Variants in TRHDE observed in about 807,000 individuals in gnomAD.
TRHDE encodes the protein thyrotropin-releasing hormone-degrading ectoenzyme.
Under a neutral mutation model 125.7 loss-of-function variants are expected in TRHDE, and 72 were observed. The observed-to-expected ratio is 0.57, with a 90% CI of 0.47 to 0.70. TRHDE has a LOEUF of 0.70. Ranked by LOEUF, TRHDE falls within the 30% of genes least tolerant of loss-of-function variation. The probability of loss-of-function intolerance (pLI) is 0.00; values close to 1 mark genes in which losing one functional copy is unlikely to be tolerated. For missense variants in TRHDE, 1,110 were observed against 1,327.1 expected, an observed-to-expected ratio of 0.84 and a Z score of 2.54; for synonymous variants, 509 against 509.1, an observed-to-expected ratio of 1.00 and a Z score of 0.00.
intron 7 of TRHDE, among the ~76,000 whole-genome samples, chr12:72,543,591 T>C (rs985881784): frequency 1.3e-5 from 2 of 151,382 alleles, no homozygotes; most frequent in South Asian, 2.1e-4. Context: ...TTTTTCCCCA[T>C]TGAAGTTGTA....
intron 12 of TRHDE, among the ~76,000 whole-genome samples, chr12:72,587,365 A>G (rs1431584963): frequency 1.3e-5 from 2 of 152,144 alleles, no homozygotes; most frequent in African/African-American, 2.4e-5. Flanking sequence ...GTTTCAACAG[A>G]TGCAATACGT....
rs199743662 is a variant in TRHDE, at chr12:72,459,997, C to T, written c.1316-9761C>T. Among the ~76,000 whole-genome samples, 12 of 152,276 alleles carry T rather than the reference C, an allele frequency of 7.9e-5. No homozygotes were observed. The East Asian group carries it at 2.3e-3, about 29-fold the overall frequency. ...CACACAGGTCCAGCTGATACCTGCA[C>T]ATGCAGTGGATTATATGATAGGTGA... On this transcript the variant is annotated intron_variant, in intron 3 of 18. Coordinates refer to ENST00000261180, the MANE Select transcript of TRHDE (RefSeq NM_013381.3).
intron 2 of TRHDE, among the ~76,000 whole-genome samples, chr12:72,221,861 G>A (rs757786980): frequency 4.6e-5 from 7 of 152,062 alleles, no homozygotes; most frequent in Non-Finnish European, 7.4e-5. Flanking sequence ...TTTGAGAAAG[G>A]CCCATATGAT....
At chr12:72,510,044 A>G (rs569569267) in intron 6 of TRHDE, among the ~76,000 whole-genome samples, 53 of 152,132 alleles carry the variant, frequency 3.5e-4, no homozygotes, top group African/African-American at 1.3e-3. Context: ...ATCACATGTG[A>G]CCTGACCCCT....
Position 72,645,419 on chromosome 12 carries a change from A to T in TRHDE, c.2676-6903A>T, listed in dbSNP as rs116001516. ...AGACAAGTATTTAAAAATTTACTTA[A>T]AAGAGCAAAAATGTAAAATAATGAA... On this transcript the variant is annotated intron_variant, in intron 15 of 18. Coordinates refer to ENST00000261180, the MANE Select transcript of TRHDE (RefSeq NM_013381.3). 2.5e-3 allele frequency among the ~76,000 whole-genome samples: 381 copies of T among 152,312 alleles called. 2 individuals carry two copies. The highest frequency in any genetic ancestry group is 8.5e-3 in the African/African-American group (355 of 41,576).
intron 2 of TRHDE, among the ~76,000 whole-genome samples, chr12:72,327,585 AG>A (rs1869399005): frequency 6.6e-6 from 1 of 152,152 alleles, no homozygotes; most frequent in South Asian, 2.1e-4. Context: ...CATTAGCAAC[AG>A]GGGAAACTGC....
In TRHDE at chr12:72,273,031, G is replaced by C; in HGVS notation, c.388G>C (p.Glu130Gln). Reference sequence around the variant, plus strand: ...CGACGGTGGCCCCTCAGGCTTTCCGGAGCGCGGCGGCAACGGGAGCCTCCC... The same window carrying C: ...CGACGGTGGCCCCTCAGGCTTTCCGCAGCGCGGCGGCAACGGGAGCCTCCC... ...GADGGPSGFPERGGNGSLPGS... is the reference protein window; with the variant it reads ...GADGGPSGFPQRGGNGSLPGS... Residue 130 changes from glutamate to glutamine, a missense_variant, in exon 1 of 19, where the codon GAG (glutamate) becomes CAG (glutamine). Physicochemically the swap from Glu to Gln is conservative, Grantham distance 29. Transcript: ENST00000261180. The surrounding 1 kb of genome is among the most constrained non-coding windows in gnomAD (Gnocchi z 5.3). 5 of 1,538,062 alleles carry C rather than the reference G, an allele frequency of 3.3e-6. No individual in the cohort carries two copies. Among genetic ancestry groups the C allele is most frequent in the Non-Finnish European group, 4.4e-6 (5 of 1,147,216 alleles).
chr12:72,398,131 A>G (rs372963768), intron 3 of TRHDE, among the ~76,000 whole-genome samples: 3 of 151,838 alleles, frequency 2.0e-5, no homozygotes, highest in Non-Finnish European at 4.4e-5. Context: ...ATGATTTCCA[A>G]TTTCATCCAT....
chr12:72,602,693 A>T (rs908134030), intron 12 of TRHDE, among the ~76,000 whole-genome samples: 1 of 152,228 alleles, frequency 6.6e-6, no homozygotes. Context: ...CCTGCAATAT[A>T]CAGGGTTGAA....
rs1305615608 is a variant in TRHDE, at chr12:72,668,748, A to T, written c.*5553A>T. On this transcript the variant is annotated 3_prime_UTR_variant, in exon 19 of 19. Transcript: ENST00000261180. Reference sequence around the variant, plus strand: ...TTAGCTCTAATTCACCAAAGAGTAGATGGAGGCAGAGTTGTTATCAGTTTA... The same window carrying T: ...TTAGCTCTAATTCACCAAAGAGTAGTTGGAGGCAGAGTTGTTATCAGTTTA... The T allele has an allele frequency of 2.0e-5, 3 of 151,846 alleles. No individual in the cohort carries two copies. Among genetic ancestry groups the T allele is most frequent in the Non-Finnish European group, 4.4e-5 (3 of 67,850 alleles). The allele number at this position is 151,846 out of a possible 1,614,324, so 9.4% of individuals were successfully genotyped here.
intron 2 of TRHDE, among the ~76,000 whole-genome samples, chr12:72,308,425 G>T (rs570689869): frequency 2.3e-4 from 35 of 151,970 alleles, no homozygotes; most frequent in African/African-American, 8.5e-4. Flanking sequence ...ACTGATTCTG[G>T]TTCTACTCTG....
rs1256092672 is a variant in TRHDE, at chr12:72,284,501, G to T, written c.915-2180G>T. 2.0e-5 allele frequency among the ~76,000 whole-genome samples: 3 copies of T among 152,074 alleles called. No homozygotes were observed. The South Asian group carries it at 6.2e-4, about 32-fold the overall frequency. On this transcript the variant is annotated intron_variant, in intron 1 of 18. Transcript: ENST00000261180. ...TAAATGGGTGCATTTTAACTAAAAG[G>T]TACTGACATTTCATTAAGCAGAAAG...
chr12:72,655,065 G>T (rs1268864255), intron 17 of TRHDE, among the ~76,000 whole-genome samples: 1 of 151,854 alleles, frequency 6.6e-6, no homozygotes, highest in Admixed American at 6.6e-5. Flanking sequence ...ACTAATTTTT[G>T]TTGTTGTTGT....
chr12:72,534,711 T>G (rs1377596981), intron 6 of TRHDE, among the ~76,000 whole-genome samples: 2 of 152,112 alleles, frequency 1.3e-5, no homozygotes, highest in African/African-American at 4.8e-5. Flanking sequence ...GATGGAAATA[T>G]TATTATCATT....
At chr12:72,438,140 T>TTG (rs2135851911) in intron 3 of TRHDE, among the ~76,000 whole-genome samples, 2 of 151,986 alleles carry the variant, frequency 1.3e-5, no homozygotes, top group East Asian at 3.9e-4. Context: ...TAGTATTTCA[T>TTG]TGTGTATATA....
chr12:72,453,479 A>C lies in TRHDE; in HGVS notation c.1316-16279A>C, dbSNP rs186213238. ...TATATTTAAAAGAGAAGTAGAATGT[A>C]AATTTTGGAAAATTTGCAGCCTGGC... is the stretch of plus-strand genomic sequence containing the variant. On this transcript the variant is annotated intron_variant, in intron 3 of 18. Coordinates refer to ENST00000261180, the MANE Select transcript of TRHDE (RefSeq NM_013381.3). Among the ~76,000 whole-genome samples, 245 of 152,344 alleles carry C rather than the reference A, an allele frequency of 1.6e-3. 1 individual carries two copies. The highest frequency in any genetic ancestry group is 3.4e-3 in the Middle Eastern group (1 of 294).
At position 72,420,173 on chromosome 12, in the gene TRHDE, T is replaced by A. The variant is rs376272892; in HGVS notation, c.1315+42052T>A. Among the ~76,000 whole-genome samples, 3 of 152,266 alleles carry A rather than the reference T, an allele frequency of 2.0e-5. No homozygotes were observed. In the South Asian group the frequency reaches 6.2e-4, roughly 32 times the overall value. Reference sequence around the variant, plus strand: ...ATCTGTAGATTCAGGCCACCCCATGTCTCTAAGATCAATACTAAAATTAGA... The same window carrying A: ...ATCTGTAGATTCAGGCCACCCCATGACTCTAAGATCAATACTAAAATTAGA... On this transcript the variant is annotated intron_variant, in intron 3 of 18. Transcript: ENST00000261180.
At chr12:72,451,457 G>C (rs1875564713) in intron 3 of TRHDE, among the ~76,000 whole-genome samples, 1 of 152,120 alleles carries the variant, frequency 6.6e-6, no homozygotes, top group South Asian at 2.1e-4. Flanking sequence ...TTATTTCTGG[G>C]CTCCCTATTT....
At chr12:72,469,105 G>A (rs987281781) in intron 3 of TRHDE, among the ~76,000 whole-genome samples, 3 of 151,494 alleles carry the variant, frequency 2.0e-5, no homozygotes, top group Non-Finnish European at 4.4e-5. Context: ...TCATAGGTGA[G>A]GGAATTGTGG....
Sources: gnomAD v4.1 joint callset for allele counts (sites outside exome capture counted in the v4.1 genomes callset) on GRCh38, gnomAD v4.1.1 for gene constraint, Gnocchi (gnomAD v3.1) non-coding constraint, MANE v1.5 for transcripts, NCBI Gene and HGNC (gene_info 2026-07-23, HGNC 2026-07-21) for gene names.